DNAH9: variants seen among roughly 807,000 people sequenced by gnomAD.
DNAH9 encodes dynein axonemal heavy chain 9.
A neutral mutation model predicts 471.6 loss-of-function variants in DNAH9; 345 were observed. The ratio of observed to expected loss-of-function variants is 0.73; its 90% confidence interval spans 0.67 to 0.80. DNAH9 has a LOEUF of 0.80. Among genes scored for constraint, DNAH9 ranks in the 30% least tolerant of loss-of-function variants. DNAH9 has a pLI of 0.00. For synonymous variants in DNAH9, 2,093 were observed against 2,123.6 expected (o/e 0.99, Z 0.40); for missense variants, 5,407 against 5,609.2 (o/e 0.96, Z 1.15).
Position 11,854,162 on chromosome 17 carries a change from G to T in DNAH9, c.9667G>T (p.Asp3223Tyr). 6.2e-7 allele frequency: 1 copy of T among 1,614,110 alleles called. No individual in the cohort carries two copies. Among genetic ancestry groups the T allele is most frequent in the Non-Finnish European group, 8.5e-7 (1 of 1,180,036 alleles). Residue 3223 changes from aspartate (D) to tyrosine (Y), a missense_variant, in exon 50 of 69, where the codon GAC (aspartate) becomes TAC (tyrosine). This residue lies in a region of DNAH9 where 4,636 missense variants were observed against 4,900.3 expected (regional missense o/e 0.95). Coordinates refer to ENST00000262442, the MANE Select transcript of DNAH9 (RefSeq NM_001372.4). ...VTMAKVDGFL[D>Y]SLINFNKENI... is the part of the protein sequence containing the mutation. ...CATGGCCAAAGTGGATGGCTTCCTG[G>T]ACTCGCTAATAAACTTCAACAAAGA...
intron 41 of DNAH9, among the ~76,000 whole-genome samples, chr17:11,790,118 AG>A (rs34911785): frequency 0.46 from 58,994 of 129,628 alleles, 12,611 homozygotes; most frequent in Non-Finnish European, 0.5. Context: ...ATCGATGTGC[AG>A]GGTTTTTTTT....
rs763104715 is a variant in DNAH9 at position 11,793,652 on chromosome 17, GA to G, written c.8215del (p.Thr2739LeufsTer39). 9 of 1,609,362 alleles carry G rather than the reference GA, an allele frequency of 5.6e-6. No individual in the cohort carries two copies. ...FDKIQTEVLK[K>X]TFDDIEDPVE... ...ATAAAATCCAGACAGAAGTGCTCAAGAAAACTTTTGATGTGAGTATTGCCCT... is the reference window on the plus strand; with the variant it reads ...ATAAAATCCAGACAGAAGTGCTCAAGAAACTTTTGATGTGAGTATTGCCCT... On this transcript the variant is annotated frameshift_variant, in exon 42 of 69. Coordinates refer to ENST00000262442, the MANE Select transcript of DNAH9 (RefSeq NM_001372.4). LOFTEE classifies it high-confidence loss of function.
chr17:11,954,031 GAATACACAGC>G (rs1213562223), intron 67 of DNAH9: 6 of 152,006 alleles, frequency 3.9e-5, no homozygotes, highest in Non-Finnish European at 7.4e-5. Context: ...CAGTAACCAT[GAATACACAGC>G]AATAAAAACA....
At chr17:11,810,422 G>C (rs1370487309) in intron 45 of DNAH9, 53 bp downstream of exon 45, 12 of 1,584,358 alleles carry the variant, frequency 7.6e-6, no homozygotes, top group Middle Eastern at 1.7e-4. Context: ...TGGAATCAGA[G>C]TTATACAAAG....
intron 1 of DNAH9, among the ~76,000 whole-genome samples, chr17:11,604,857 C>T (rs2072465988): frequency 6.6e-6 from 1 of 152,154 alleles, no homozygotes; most frequent in Non-Finnish European, 1.5e-5. Flanking sequence ...GGTAGGTGGC[C>T]TCCCTTTCCA....
intron 43 of DNAH9, among the ~76,000 whole-genome samples, chr17:11,800,257 G>C (rs79055427): frequency 6.6e-6 from 1 of 151,400 alleles, no homozygotes; most frequent in East Asian, 2.0e-4. Context: ...TACAACTTCA[G>C]TTCATGAACA....
At position 11,952,630 on chromosome 17, in the gene DNAH9, T is replaced by TATCA. The variant is rs776224492; in HGVS notation, c.12844-9236_12844-9233dup. Reference sequence around the variant, plus strand: ...TTGTAGCTGTGTTTGCTAAAGAGACTATCAGGTAGTTTCCCCATAAAGCAC... The same window carrying TATCA: ...TTGTAGCTGTGTTTGCTAAAGAGACTATCAATCAGGTAGTTTCCCCATAAAGCAC... On this transcript the variant is annotated intron_variant, in intron 67 of 68. Coordinates refer to ENST00000262442, the MANE Select transcript of DNAH9 (RefSeq NM_001372.4). Among the ~76,000 whole-genome samples the TATCA allele has an allele frequency of 6.0e-4, 92 of 152,216 alleles. No homozygotes were observed. The Middle Eastern group carries it at 0.01, about 17-fold the overall frequency.
chr17:11,606,453 C>CTTT (rs57831450), intron 1 of DNAH9, among the ~76,000 whole-genome samples: 6 of 99,058 alleles, frequency 6.1e-5, no homozygotes, highest in Non-Finnish European at 8.9e-5. Flanking sequence ...CTTTTCTTTT[C>CTTT]TTTTTTTTTT....
At chr17:11,953,821 G>C (rs1452984501) in intron 67 of DNAH9, 1 of 149,224 alleles carries the variant, frequency 6.7e-6, no homozygotes, top group Non-Finnish European at 1.5e-5. Context: ...GACAATGGAA[G>C]ACAAAGATGT....
At chr17:11,795,442 C>T (rs1206583862) in intron 42 of DNAH9, among the ~76,000 whole-genome samples, 5 of 152,238 alleles carry the variant, frequency 3.3e-5, no homozygotes, top group East Asian at 1.9e-4. Context: ...GGTTTAGCTC[C>T]GTATTTTTTT....
intron 56 of DNAH9, 99 bp downstream of exon 56, chr17:11,883,849 T>G (rs1367155722): frequency 7.5e-7 from 1 of 1,327,744 alleles, no homozygotes; most frequent in African/African-American, 1.5e-5. Context: ...TAGAAAAATG[T>G]CAAAGTAACA....
chr17:11,598,508 G>T lies in DNAH9; in HGVS notation c.10G>T (p.Ala4Ser). 1.5e-6 allele frequency: 2 copies of T among 1,352,610 alleles called. No individual in the cohort carries two copies. Among genetic ancestry groups the T allele is most frequent in the South Asian group, 1.7e-5 (1 of 57,960 alleles). The allele number at this position is 1,352,610 out of a possible 1,614,324, so 83.8% of individuals were successfully genotyped here. The change falls in exon 1 of 69, where the codon GCG (alanine) becomes TCG (serine). Residue 4 changes from alanine (A) to serine (S), a missense_variant. Transcript: ENST00000262442. Reference protein sequence around the residue: MRLAEERAALAAEN... With the variant: MRLSEERAALAAEN... ...CTGGAGGCCGCGCGCGATGCGGCTCGCGGAGGAGCGGGCCGCGCTCGCGGC... is the reference window on the plus strand; with the variant it reads ...CTGGAGGCCGCGCGCGATGCGGCTCTCGGAGGAGCGGGCCGCGCTCGCGGC...
intron 62 of DNAH9, among the ~76,000 whole-genome samples, chr17:11,928,202 C>A (rs1281521734): frequency 1.3e-5 from 2 of 151,520 alleles, no homozygotes; most frequent in African/African-American, 4.9e-5. Flanking sequence ...AACTCCTGGC[C>A]TCAAGCAATC....
intron 62 of DNAH9, among the ~76,000 whole-genome samples, chr17:11,928,091 C>CTTTA (rs140957199): frequency 0.11 from 15,739 of 148,590 alleles, 874 homozygotes; most frequent in East Asian, 0.14. Context: ...ATACAAAATC[C>CTTTA]TTTATTTATT....
intron 35 of DNAH9, among the ~76,000 whole-genome samples, chr17:11,762,132 C>T (rs1304030199): frequency 6.6e-6 from 1 of 152,230 alleles, no homozygotes; most frequent in Non-Finnish European, 1.5e-5. Flanking sequence ...TTACTAGACT[C>T]TAAAACTGTC....
intron 48 of DNAH9, among the ~76,000 whole-genome samples, chr17:11,834,153 A>G (rs950843886): frequency 6.6e-6 from 1 of 151,812 alleles, no homozygotes; most frequent in Admixed American, 6.6e-5. Context: ...ACATGGTGAA[A>G]CCACATCTCT....
At chr17:11,749,171 G>T (rs1967045332) in intron 32 of DNAH9, among the ~76,000 whole-genome samples, 1 of 139,644 alleles carries the variant, frequency 7.2e-6, no homozygotes, top group African/African-American at 2.7e-5. Flanking sequence ...TGCAAGCTCT[G>T]CCTCCCAGGT....
In DNAH9 at chr17:11,762,780, T is replaced by TTTTTTTTTTG. The variant is rs1567783401; in HGVS notation, c.6996-651_6996-650insGTTTTTTTTT. 1.6e-4 allele frequency among the ~76,000 whole-genome samples: 20 copies of TTTTTTTTTTG among 125,276 alleles called. 1 individual carries two copies. The highest frequency in any genetic ancestry group is 5.4e-4 in the African/African-American group (18 of 33,518). The allele number at this position is 125,276 out of a possible 152,430, so 82.2% of individuals were successfully genotyped here. ...TGCGTTTTTTTTTTTGTTTTTTTTTTTTTTTTTTTTTTTTTTTGAGATGGA... is the reference window on the plus strand; with the variant it reads ...TGCGTTTTTTTTTTTGTTTTTTTTTTTTTTTTTTTGTTTTTTTTTTTTTTTTTGAGATGGA... On this transcript the variant is annotated intron_variant, in intron 35 of 68. Transcript: ENST00000262442.
chr17:11,830,895 C>G (rs939238344), intron 48 of DNAH9, among the ~76,000 whole-genome samples: 1 of 152,108 alleles, frequency 6.6e-6, no homozygotes. Context: ...CAAATGACAG[C>G]TGGAATAAGC....
Sources: gnomAD v4.1 joint callset for allele counts (sites outside exome capture counted in the v4.1 genomes callset) on GRCh38, gnomAD v4.1.1 for gene constraint, gnomAD v4.1.1 regional missense constraint, MANE v1.5 for transcripts, NCBI Gene and HGNC (gene_info 2026-07-23, HGNC 2026-07-21) for gene names.